Variants in DNER observed in about 807,000 individuals in gnomAD.
DNER encodes delta/notch like EGF repeat containing.
A neutral mutation model predicts 78.2 loss-of-function variants in DNER; 33 were observed. The observed-to-expected ratio is 0.42, with a 90% confidence interval of 0.32 to 0.56. The LOEUF is 0.56. Ranked by LOEUF, DNER falls within the 20% of genes least tolerant of loss-of-function variation. DNER has a pLI of 0.11. For missense variants in DNER, 918 were observed against 975.3 expected, an observed-to-expected ratio of 0.94 and a Z score of 0.78; for synonymous variants, 417 against 384.8, an observed-to-expected ratio of 1.08 and a Z score of -0.98.
intron 1 of DNER, among the ~76,000 whole-genome samples, chr2:229,682,642 G>T (rs1246179596): frequency 6.6e-6 from 1 of 152,216 alleles, no homozygotes; most frequent in Non-Finnish European, 1.5e-5. Context: ...GAGGTCAGGA[G>T]TTTGAAACCA....
intron 12 of DNER, 140 bp downstream of exon 12, chr2:229,366,732 AT>A: frequency 7.6e-7 from 1 of 1,310,034 alleles, no homozygotes; most frequent in South Asian, 1.4e-5. Context: ...CGAATGATCT[AT>A]CCCCAAATAC....
chr2:229,550,565 G>A lies in DNER; in HGVS notation c.848-3473C>T, dbSNP rs1239820527. On this transcript the variant is annotated intron_variant, in intron 4 of 12. Transcript: ENST00000341772. ...GCCAAGGCAGGTGGATCATGAGGTCGGGAGATCGAGACCATCCTGGTCAAC... is the reference window on the plus strand; with the variant it reads ...GCCAAGGCAGGTGGATCATGAGGTCAGGAGATCGAGACCATCCTGGTCAAC... Among the ~76,000 whole-genome samples the A allele has an allele frequency of 5.3e-5, 8 of 151,880 alleles. No individual in the cohort carries two copies. In the East Asian group the frequency reaches 9.8e-4, roughly 19 times the overall value.
intron 1 of DNER, among the ~76,000 whole-genome samples, chr2:229,616,642 G>T (rs1698168879): frequency 6.6e-6 from 1 of 152,148 alleles, no homozygotes; most frequent in Non-Finnish European, 1.5e-5. Context: ...ATCCACTTGT[G>T]GTCATCATCT....
chr2:229,510,039 C>G (rs528463971), intron 6 of DNER, among the ~76,000 whole-genome samples: 6 of 151,924 alleles, frequency 3.9e-5, no homozygotes, highest in Non-Finnish European at 8.8e-5. Context: ...AGTAGTTACC[C>G]AAGCAAAAAG....
At chr2:229,375,673 A>T (rs1485488615) in intron 11 of DNER, among the ~76,000 whole-genome samples, 2 of 152,220 alleles carry the variant, frequency 1.3e-5, no homozygotes, top group Non-Finnish European at 2.9e-5. Flanking sequence ...ACCAACCAAA[A>T]TCAAAATATT....
At chr2:229,451,992 G>C (rs865845560) in intron 7 of DNER, among the ~76,000 whole-genome samples, 3 of 152,154 alleles carry the variant, frequency 2.0e-5, no homozygotes, top group Admixed American at 6.5e-5. Flanking sequence ...GCTTTGGAGA[G>C]AGCCAATATT....
At chr2:229,698,063 G>A (rs1699688289) in intron 1 of DNER, among the ~76,000 whole-genome samples, 1 of 152,138 alleles carries the variant, frequency 6.6e-6, no homozygotes, top group Admixed American at 6.5e-5. Flanking sequence ...AATTAGCCAA[G>A]TATGGTGGCA....
intron 1 of DNER, among the ~76,000 whole-genome samples, chr2:229,630,621 A>C (rs1211841287): frequency 6.6e-6 from 1 of 151,932 alleles, no homozygotes; most frequent in Non-Finnish European, 1.5e-5. Flanking sequence ...TATTGACAGC[A>C]TCTCATTTTC....
chr2:229,397,367 G>A (rs953995375), intron 10 of DNER, among the ~76,000 whole-genome samples: 1 of 148,470 alleles, frequency 6.7e-6, no homozygotes, highest in Non-Finnish European at 1.5e-5. Flanking sequence ...AAACTCCCAC[G>A]AAAGCCTGTT....
chr2:229,443,337 G>A lies in DNER; in HGVS notation c.1486+3979C>T, dbSNP rs190027971. ...TTGTATTGAGAACACAAGCAATACT[G>A]TGGCTCCCACCTGCAGGGGAAATGG... On this transcript the variant is annotated intron_variant, in intron 8 of 12. Transcript: ENST00000341772. Among the ~76,000 whole-genome samples, 220 of 152,186 alleles carry A rather than the reference G, an allele frequency of 1.4e-3. 1 individual carries two copies. The highest frequency in any genetic ancestry group is 4.7e-3 in the African/African-American group (194 of 41,524).
At chr2:229,612,881 A>T (rs1559182656) in intron 1 of DNER, among the ~76,000 whole-genome samples, 1 of 152,260 alleles carries the variant, frequency 6.6e-6, no homozygotes, top group Non-Finnish European at 1.5e-5. Context: ...AAGTTCTATT[A>T]CTATGTGGTA....
intron 8 of DNER, among the ~76,000 whole-genome samples, chr2:229,428,779 G>C (rs1285409439): frequency 6.6e-6 from 1 of 152,044 alleles, no homozygotes; most frequent in African/African-American, 2.4e-5. Context: ...AGTTAAGAAA[G>C]AAAGGCCTTA....
chr2:229,569,690 T>A (rs1697181275), intron 4 of DNER, among the ~76,000 whole-genome samples: 1 of 152,224 alleles, frequency 6.6e-6, no homozygotes, highest in African/African-American at 2.4e-5. Context: ...TACACTGTAT[T>A]AGTTTTTTAT....
intron 4 of DNER, among the ~76,000 whole-genome samples, chr2:229,560,370 G>T (rs766994338): frequency 6.6e-6 from 1 of 152,110 alleles, no homozygotes; most frequent in Admixed American, 6.6e-5. Context: ...AAGTCATTTG[G>T]CACAAACCAA....
At chr2:229,711,689 G>A (rs559847140) in intron 1 of DNER, among the ~76,000 whole-genome samples, 22 of 152,206 alleles carry the variant, frequency 1.4e-4, no homozygotes, top group East Asian at 3.9e-4. Flanking sequence ...GAGGAGTGAC[G>A]CTCTGTTAAA....
chr2:229,614,808 A>G, intron 1 of DNER, among the ~76,000 whole-genome samples: 1 of 152,224 alleles, frequency 6.6e-6, no homozygotes, highest in Non-Finnish European at 1.5e-5. Flanking sequence ...AGAGAAATCA[A>G]AAGTACAGTG....
intron 1 of DNER, among the ~76,000 whole-genome samples, chr2:229,671,952 G>T (rs1213438662): frequency 6.6e-6 from 1 of 152,346 alleles, no homozygotes; most frequent in East Asian, 1.9e-4. Context: ...TCTGGTTTGT[G>T]TGAGGAGGGT....
intron 1 of DNER, among the ~76,000 whole-genome samples, chr2:229,691,454 A>C (rs1699570646): frequency 6.6e-6 from 1 of 152,004 alleles, no homozygotes; most frequent in Non-Finnish European, 1.5e-5. Flanking sequence ...CTGAGACGTG[A>C]GATTTATCAG....
At chr2:229,512,173 A>G (rs998483765) in intron 6 of DNER, among the ~76,000 whole-genome samples, 5 of 152,228 alleles carry the variant, frequency 3.3e-5, no homozygotes, top group African/African-American at 1.2e-4. Context: ...ACCTGAGGTC[A>G]GAAGTTCAAG....
Sources: allele counts gnomAD v4.1 joint callset (sites outside exome capture counted in the v4.1 genomes callset), GRCh38; gene constraint gnomAD v4.1.1; transcripts MANE v1.5; gene names NCBI Gene and HGNC (gene_info 2026-07-23, HGNC 2026-07-21).